The following ANXA10 variants were observed in gnomAD, a reference collection of about 807,000 sequenced individuals.
ANXA10 encodes the protein annexin A10.
In ANXA10, 49 loss-of-function variants were observed where a neutral mutation model predicts 53.5. The ratio of observed to expected loss-of-function variants is 0.92; its 90% CI spans 0.73 to 1.16. The LOEUF (loss-of-function observed/expected upper bound fraction) is 1.16, where lower values mean the gene tolerates loss of function less well. ANXA10 is among the 50% of genes most tolerant of loss of function. The pLI is 0.00. For synonymous variants in ANXA10, 131 were observed against 128.9 expected (o/e 1.02, Z -0.11); for missense variants, 393 against 394.4 (o/e 1.00, Z 0.03).
In ANXA10 at chr4:168,187,553, C is replaced by G; in HGVS notation, c.*119C>G. 3.6e-6 allele frequency: 2 copies of G among 556,894 alleles called. No individual in the cohort carries two copies. The highest frequency in any genetic ancestry group is 5.9e-6 in the Non-Finnish European group (2 of 340,212). 34.5% of individuals were successfully genotyped at this position (556,894 alleles called of 1,614,324 possible). A position where few individuals can be genotyped will look rare whatever the true frequency, so the allele number is the denominator to read the frequency against. ...ACAAAACTATACAATCATATTTTCTCTTCTATCTTTGAAATTATTCTAAGC... is the reference window on the plus strand; with the variant it reads ...ACAAAACTATACAATCATATTTTCTGTTCTATCTTTGAAATTATTCTAAGC... On this transcript the variant is annotated 3_prime_UTR_variant, in exon 12 of 12. Coordinates refer to ENST00000359299, the MANE Select transcript of ANXA10 (RefSeq NM_007193.5).
chr4:168,121,140 G>C (rs527953695), intron 1 of ANXA10, among the ~76,000 whole-genome samples: 1 of 152,066 alleles, frequency 6.6e-6, no homozygotes, highest in South Asian at 2.1e-4. Context: ...GAGACTGAGG[G>C]TTTCTAAAAA....
intron 1 of ANXA10, among the ~76,000 whole-genome samples, chr4:168,112,959 G>A (rs1012571364): frequency 3.3e-5 from 5 of 151,978 alleles, no homozygotes; most frequent in African/African-American, 1.2e-4. Context: ...GGAGGCAAAG[G>A]TTGCAGTGAG....
intron 3 of ANXA10, among the ~76,000 whole-genome samples, chr4:168,156,320 TATATA>T (rs1578923750): frequency 3.8e-5 from 4 of 104,802 alleles, no homozygotes; most frequent in South Asian, 2.5e-4. Flanking sequence ...GTATATATAA[TATATA>T]ATATATTATA....
At chr4:168,159,486 C>T (rs996591030) in intron 3 of ANXA10, among the ~76,000 whole-genome samples, 3 of 152,124 alleles carry the variant, frequency 2.0e-5, no homozygotes, top group Admixed American at 1.3e-4. Flanking sequence ...TCCATAAGGG[C>T]TTGATAGATT....
chr4:168,155,838 TATATAATATA>T lies in ANXA10; in HGVS notation c.196-6684_196-6675del, dbSNP rs559187694. ...ATTATATATGATATATGATATATCA[TATATAATATA>T]ATATATCATATATGATATATCATAT... On this transcript the variant is annotated intron_variant, in intron 3 of 11. Coordinates refer to ENST00000359299, the MANE Select transcript of ANXA10 (RefSeq NM_007193.5). Among the ~76,000 whole-genome samples the T allele has an allele frequency of 8.5e-3, 64 of 7,486 alleles. 6 individuals are homozygous for T. The highest frequency in any genetic ancestry group is 0.023 in the South Asian group (4 of 172). The allele number at this position is 7,486 out of a possible 152,430, so 4.9% of individuals were successfully genotyped here.
chr4:168,141,472 T>G (rs531126900), intron 3 of ANXA10, among the ~76,000 whole-genome samples: 23 of 152,332 alleles, frequency 1.5e-4, no homozygotes, highest in African/African-American at 5.5e-4. Flanking sequence ...CCAGAATGAC[T>G]CAAAATCTAA....
intron 6 of ANXA10, among the ~76,000 whole-genome samples, chr4:168,166,028 C>T (rs1474554980): frequency 2.0e-5 from 3 of 152,186 alleles, no homozygotes; most frequent in Non-Finnish European, 4.4e-5. Flanking sequence ...CGCACACTAA[C>T]ATTTCTGAGC....
At chr4:168,099,579 A>G (rs1389660698) in intron 1 of ANXA10, among the ~76,000 whole-genome samples, 1 of 152,144 alleles carries the variant, frequency 6.6e-6, no homozygotes, top group Non-Finnish European at 1.5e-5. Context: ...CAATGGTTAC[A>G]ACTGAACCTA....
Position 168,139,500 on chromosome 4 carries a change from A to T in ANXA10, c.115A>T (p.Met39Leu). The T allele has an allele frequency of 6.2e-7, 1 of 1,612,644 alleles. No individual in the cohort carries two copies. Among genetic ancestry groups the T allele is most frequent in the South Asian group, 1.1e-5 (1 of 91,004 alleles). The part of the protein sequence containing the change: ...ALQGFDCDKD[M>L]LINILTQRCN... The stretch of plus-strand genomic sequence containing the variant: ...TTCTTTTCCAGACTGTGACAAAGAC[A>T]TGCTGATCAACATTCTGACTCAGCG... The change falls in exon 3 of 12, where the codon ATG becomes TTG. Residue 39 changes from methionine to leucine, a missense_variant. Transcript: ENST00000359299.
rs750195432 is a variant in ANXA10 at position 168,177,999 on chromosome 4, G to T, written c.628+16G>T. 15 of 1,610,014 alleles carry T rather than the reference G, an allele frequency of 9.3e-6. No individual in the cohort carries two copies. The highest frequency in any genetic ancestry group is 1.2e-5 in the Non-Finnish European group (14 of 1,177,710). The stretch of plus-strand genomic sequence containing the variant: ...CTGCGGCTGGGTAATTATTAACTGG[G>T]TTTCGTTCCAGCTACTTGACCAATT... On this transcript the variant is annotated intron_variant, in intron 8 of 11. Coordinates refer to ENST00000359299, the MANE Select transcript of ANXA10 (RefSeq NM_007193.5).
In ANXA10 at chr4:168,153,410, A is replaced by G. The variant is rs186152014; in HGVS notation, c.196-9118A>G. ...CTAAAAACCATGGCTTCAAGCTGCT[A>G]AAAGCCTAAAGCAAAAAAAAAAAAA... On this transcript the variant is annotated intron_variant, in intron 3 of 11. Coordinates refer to ENST00000359299, the MANE Select transcript of ANXA10 (RefSeq NM_007193.5). Among the ~76,000 whole-genome samples the G allele has an allele frequency of 1.9e-4, 27 of 139,988 alleles. No homozygotes were observed. The East Asian group carries it at 5.3e-3, about 28-fold the overall frequency. The allele number at this position is 139,988 out of a possible 152,430, so 91.8% of individuals were successfully genotyped here.
chr4:168,110,126 G>A (rs1730780718), intron 1 of ANXA10, among the ~76,000 whole-genome samples: 1 of 152,182 alleles, frequency 6.6e-6, no homozygotes. Context: ...CAGGAGAATG[G>A]CATGAACCCG....
chr4:168,092,792 T>G (rs1329044570), intron 1 of ANXA10, 74 bp downstream of exon 1: 3 of 1,377,058 alleles, frequency 2.2e-6, no homozygotes, highest in Non-Finnish European at 2.9e-6. Flanking sequence ...ATTTGTGTTT[T>G]TTGACGTTTT....
At chr4:168,156,574 G>A (rs1731687943) in intron 3 of ANXA10, among the ~76,000 whole-genome samples, 2 of 150,144 alleles carry the variant, frequency 1.3e-5, no homozygotes, top group African/African-American at 2.5e-5. Flanking sequence ...CGGGATCTCA[G>A]CTCACTGCAA....
chr4:168,124,722 A>G (rs903146782), intron 1 of ANXA10, among the ~76,000 whole-genome samples: 4 of 152,180 alleles, frequency 2.6e-5, no homozygotes, highest in African/African-American at 7.2e-5. Flanking sequence ...GATGCTCCCA[A>G]GGATGTTTCT....
chr4:168,098,634 A>G (rs1384594943), intron 1 of ANXA10, among the ~76,000 whole-genome samples: 4 of 152,128 alleles, frequency 2.6e-5, no homozygotes, highest in Non-Finnish European at 4.4e-5. Context: ...GCTTTTGGAC[A>G]TGCATTTGTT....
intron 3 of ANXA10, among the ~76,000 whole-genome samples, chr4:168,160,510 G>A (rs527778046): frequency 8.3e-4 from 126 of 152,064 alleles, no homozygotes; most frequent in Middle Eastern, 3.4e-3. Context: ...ATAGTGCTGC[G>A]ATGAACATAC....
In ANXA10 at chr4:168,153,464, A is replaced by C. The variant is rs531964609; in HGVS notation, c.196-9064A>C. 8.0e-3 allele frequency among the ~76,000 whole-genome samples: 898 copies of C among 111,868 alleles called. 14 individuals carry two copies. The highest frequency in any genetic ancestry group is 0.022 in the African/African-American group (639 of 28,710). The allele number at this position is 111,868 out of a possible 152,430, so 73.4% of individuals were successfully genotyped here. On this transcript the variant is annotated intron_variant, in intron 3 of 11. Transcript: ENST00000359299. ...AAACAAAAACAAAAACAAAACAAAA[A>C]AAAAAACCAATAACAACAACAAAAT...
At chr4:168,098,222 C>T (rs1730583589) in intron 1 of ANXA10, among the ~76,000 whole-genome samples, 1 of 151,862 alleles carries the variant, frequency 6.6e-6, no homozygotes, top group Non-Finnish European at 1.5e-5. Flanking sequence ...TAGATTATCA[C>T]AAATGGCAAG....
Sources: gnomAD v4.1 joint callset for allele counts (sites outside exome capture counted in the v4.1 genomes callset) on GRCh38, gnomAD v4.1.1 for gene constraint, MANE v1.5 for transcripts, NCBI Gene and HGNC (gene_info 2026-07-23, HGNC 2026-07-21) for gene names.